The following RNF34 variants were observed in gnomAD, a reference collection of about 807,000 sequenced individuals.
RNF34 encodes the protein ring finger protein 34.
Under a neutral mutation model 37.9 loss-of-function variants are expected in RNF34, and 12 were observed. The ratio of observed to expected loss-of-function variants is 0.32; its 90% CI spans 0.20 to 0.51. The LOEUF is 0.51. RNF34 is among the 20% of genes least tolerant of loss of function. The probability of loss-of-function intolerance (pLI) is 0.97; values close to 1 mark genes in which losing one functional copy is unlikely to be tolerated. For missense variants in RNF34, 362 were observed against 472.7 expected (o/e 0.77, Z 2.17); for synonymous variants, 155 against 177.2 (o/e 0.87, Z 1.00).
chr12:121,407,858 G>A (rs1870693999), intron 1 of RNF34, among the ~76,000 whole-genome samples: 1 of 152,128 alleles, frequency 6.6e-6, no homozygotes, highest in South Asian at 2.1e-4. Context: ...ATATAACAGA[G>A]GCAGAGTGTG....
intron 1 of RNF34, among the ~76,000 whole-genome samples, chr12:121,407,817 C>T (rs1363702588): frequency 1.3e-5 from 2 of 152,138 alleles, no homozygotes; most frequent in African/African-American, 4.8e-5. Context: ...GGTTATGACC[C>T]TACCGGATAT....
At chr12:121,410,387 A>G (rs1242128994) in intron 1 of RNF34, among the ~76,000 whole-genome samples, 4 of 151,982 alleles carry the variant, frequency 2.6e-5, no homozygotes, top group Non-Finnish European at 5.9e-5. Context: ...AAATACAAAA[A>G]TTAGCCGGGT....
chr12:121,412,756 G>A (rs544697783), intron 1 of RNF34, among the ~76,000 whole-genome samples: 173 of 138,484 alleles, frequency 1.2e-3, no homozygotes, highest in African/African-American at 4.6e-3. Context: ...ATGGAGTCTC[G>A]CTGTGTCACC....
chr12:121,407,445 T>TAGTATACAACAACTC (rs1870654055), intron 1 of RNF34, among the ~76,000 whole-genome samples: 1 of 152,296 alleles, frequency 6.6e-6, no homozygotes, highest in East Asian at 1.9e-4. Flanking sequence ...GGGGTATGCC[T>TAGTATACAACAACTC]AGTATACAAC....
At chr12:121,405,918 T>C (rs568476746) in intron 1 of RNF34, among the ~76,000 whole-genome samples, 1 of 151,808 alleles carries the variant, frequency 6.6e-6, no homozygotes, top group South Asian at 2.1e-4. Flanking sequence ...CTCAGCCTCC[T>C]GAGTAGCTGG....
chr12:121,417,978 CT>C lies in RNF34; in HGVS notation c.633+70del. ...TATTCTTGGCCGTATATGGTGGGGC[CT>C]TTAGTGCTTGATGACTTCTGATAAA... On this transcript the variant is annotated intron_variant, in intron 3 of 5. Transcript: ENST00000361234. The surrounding 1 kb of genome is among the most constrained non-coding windows in gnomAD (Gnocchi z 5.0). 1 of 1,485,370 alleles carries C rather than the reference CT, an allele frequency of 6.7e-7. No homozygotes were observed. 92.0% of individuals were successfully genotyped at this position (1,485,370 alleles called of 1,614,324 possible).
chr12:121,413,498 GC>G (rs1236364200), intron 1 of RNF34, among the ~76,000 whole-genome samples: 1 of 142,506 alleles, frequency 7.0e-6, no homozygotes, highest in Non-Finnish European at 1.5e-5. Context: ...TGCACCCTCC[GC>G]CTCCTGGGTT....
chr12:121,405,768 G>C (rs1870468548), intron 1 of RNF34, among the ~76,000 whole-genome samples: 1 of 150,072 alleles, frequency 6.7e-6, no homozygotes, highest in Non-Finnish European at 1.5e-5. Flanking sequence ...ACAGGCGTGA[G>C]CCACCGTGTC....
intron 1 of RNF34, among the ~76,000 whole-genome samples, chr12:121,411,863 A>G (rs1290515267): frequency 1.3e-5 from 2 of 152,192 alleles, no homozygotes; most frequent in Non-Finnish European, 2.9e-5. Flanking sequence ...AGGAAGCTAA[A>G]CTTGTAAAAC....
chr12:121,419,898 C>T (rs538310229), intron 3 of RNF34: 2 of 179,878 alleles, frequency 1.1e-5, no homozygotes, highest in South Asian at 2.5e-4. Flanking sequence ...TCCAGTTAAA[C>T]TAGCCATTTG....
rs563285897 is a variant in RNF34 at position 121,401,354 on chromosome 12, C to CAAA, written c.6+1154_6+1156dup. Among the ~76,000 whole-genome samples the CAAA allele has an allele frequency of 5.3e-4, 41 of 76,770 alleles. 1 individual carries two copies. The South Asian group carries it at 7.0e-3, about 13-fold the overall frequency. 50.4% of individuals were successfully genotyped at this position (76,770 alleles called of 152,430 possible). A position where few individuals can be genotyped will look rare whatever the true frequency, so the allele number is the denominator to read the frequency against. On this transcript the variant is annotated intron_variant, in intron 1 of 5. Coordinates refer to ENST00000361234, the MANE Select transcript of RNF34 (RefSeq NM_025126.4). ...TTACAAGGCAGAAGGCTATAGGTAT[C>CAAA]AAAAAAAAAAAAAAAAAAAAGGCAG... is the stretch of plus-strand genomic sequence containing the variant.
chr12:121,422,945 G>A (rs1339554895), intron 5 of RNF34, among the ~76,000 whole-genome samples: 1 of 152,156 alleles, frequency 6.6e-6, no homozygotes, highest in Non-Finnish European at 1.5e-5. Flanking sequence ...TTCCTACTGA[G>A]ATGAGGCTCC....
chr12:121,406,347 G>T (rs1423952038), intron 1 of RNF34, among the ~76,000 whole-genome samples: 2 of 148,454 alleles, frequency 1.3e-5, no homozygotes, highest in Non-Finnish European at 3.0e-5. Context: ...GAGTGCAGTG[G>T]CGTGATCTCA....
Position 121,417,983 on chromosome 12 carries a change from G to C in RNF34, c.633+72G>C. On this transcript the variant is annotated intron_variant, in intron 3 of 5. Transcript: ENST00000361234. The surrounding 1 kb of genome is among the most constrained non-coding windows in gnomAD (Gnocchi z 5.0). The stretch of plus-strand genomic sequence containing the variant: ...TTGGCCGTATATGGTGGGGCCTTTA[G>C]TGCTTGATGACTTCTGATAAACTTC... 6.9e-7 allele frequency: 1 copy of C among 1,454,646 alleles called. No homozygotes were observed. Among genetic ancestry groups the C allele is most frequent in the Non-Finnish European group, 9.4e-7 (1 of 1,068,874 alleles). The allele number at this position is 1,454,646 out of a possible 1,614,324, so 90.1% of individuals were successfully genotyped here.
chr12:121,405,512 C>T (rs1941624556), intron 1 of RNF34, among the ~76,000 whole-genome samples: 1 of 152,108 alleles, frequency 6.6e-6, no homozygotes, highest in African/African-American at 2.4e-5. Flanking sequence ...GAGACAGGGT[C>T]TTGCTCTGTC....
chr12:121,406,692 G>C (rs1870571950), intron 1 of RNF34, among the ~76,000 whole-genome samples: 1 of 152,108 alleles, frequency 6.6e-6, no homozygotes, highest in Non-Finnish European at 1.5e-5. Flanking sequence ...TAAGAGAGTG[G>C]GTAGGAAAGG....
Position 121,420,310 on chromosome 12 carries a change from TGAA to T in RNF34, c.709_711del (p.Glu237del), listed in dbSNP as rs782460341. The T allele has an allele frequency of 6.3e-5, 100 of 1,579,670 alleles. No individual in the cohort carries two copies. Among genetic ancestry groups the T allele is most frequent in the African/African-American group, 5.3e-4 (39 of 73,600 alleles). On this transcript the variant is annotated inframe_deletion, in exon 4 of 6. Coordinates refer to ENST00000361234, the MANE Select transcript of RNF34 (RefSeq NM_025126.4). ...ACGACGATGATGAGGATGATGATGA[TGAA>T]GAAGAAAACGCAGAGGATCGGGTGA...
chr12:121,403,338 G>A (rs1555280257), intron 1 of RNF34, among the ~76,000 whole-genome samples: 1 of 151,098 alleles, frequency 6.6e-6, no homozygotes, highest in African/African-American at 2.4e-5. Context: ...AGAGTTTGCA[G>A]TGAGCCAAGA....
At chr12:121,405,441 T>C (rs1440635900) in intron 1 of RNF34, among the ~76,000 whole-genome samples, 19 of 152,220 alleles carry the variant, frequency 1.2e-4, no homozygotes, top group African/African-American at 4.6e-4. Context: ...CTCCAGTTGA[T>C]GCTATCAGTA....
Sources: gnomAD v4.1 joint callset for allele counts (sites outside exome capture counted in the v4.1 genomes callset) on GRCh38, gnomAD v4.1.1 for gene constraint, Gnocchi (gnomAD v3.1) non-coding constraint, MANE v1.5 for transcripts, NCBI Gene and HGNC (gene_info 2026-07-23, HGNC 2026-07-21) for gene names.